MYBBP1A: variants seen among roughly 807,000 people sequenced by gnomAD.
MYBBP1A encodes MYB binding protein 1a.
In MYBBP1A, 147 loss-of-function variants were observed where a neutral mutation model predicts 136.3. That is an observed-to-expected ratio of 1.08 (90% CI 0.94 to 1.24). The LOEUF (loss-of-function observed/expected upper bound fraction) is 1.24, where lower values mean the gene tolerates loss of function less well. Ranked by LOEUF, MYBBP1A falls within the 50% of genes most tolerant of loss-of-function variation. The probability of loss-of-function intolerance (pLI) is 0.00; values close to 1 mark genes in which losing one functional copy is unlikely to be tolerated. For synonymous variants in MYBBP1A, 947 were observed against 735.8 expected, an observed-to-expected ratio of 1.29 and a Z score of -4.65; for missense variants, 2,060 against 1,727.4, an observed-to-expected ratio of 1.19 and a Z score of -3.41.
rs777912127 is a variant in MYBBP1A, at chr17:4,539,890, T to C, written c.3512A>G (p.Lys1171Arg). The C allele has an allele frequency of 3.0e-5, 48 of 1,601,674 alleles. No individual in the cohort carries two copies. Among genetic ancestry groups the C allele is most frequent in the Non-Finnish European group, 4.0e-5 (47 of 1,179,962 alleles). ...TQSPISKKRKKKGFLPETKKR... is the reference protein window; with the variant it reads ...TQSPISKKRKRKGFLPETKKR... ...CTTCGTCTCTGGCAAGAATCCCTTT[T>C]TCTTCCGCTTCTTACTGATGGGGCT... Residue 1171 changes from lysine to arginine, a missense_variant, in exon 26 of 26, where the codon AAA (lysine) becomes AGA (arginine). Physicochemically the swap from Lys to Arg is conservative, Grantham distance 26. Coordinates refer to ENST00000254718, the MANE Select transcript of MYBBP1A (RefSeq NM_014520.4).
chr17:4,541,474 A>G lies in MYBBP1A; in HGVS notation c.3286T>C (p.Cys1096Arg). 6.2e-7 allele frequency: 1 copy of G among 1,613,274 alleles called. No individual in the cohort carries two copies. The highest frequency in any genetic ancestry group is 8.5e-7 in the Non-Finnish European group (1 of 1,179,920). ...GGCCCCCGCCTCACCTCATGTTTGCAGGTCCTGAAGAGAACGTTGAGCAGC... is the reference window on the plus strand; with the variant it reads ...GGCCCCCGCCTCACCTCATGTTTGCGGGTCCTGAAGAGAACGTTGAGCAGC... ...LELLNVLFRT[C>R]KHEKLTLDLT... Residue 1096 changes from cysteine to arginine, a missense_variant, in exon 24 of 26, where the codon TGC becomes CGC. Physicochemically the swap from Cys to Arg is radical, Grantham distance 180 (BLOSUM62 -3). Transcript: ENST00000254718.
At chr17:4,547,333 G>A (rs535637684) in intron 13 of MYBBP1A, among the ~76,000 whole-genome samples, 158 of 152,306 alleles carry the variant, frequency 1.0e-3, no homozygotes, top group Non-Finnish European at 1.6e-3. Context: ...GGACTCTGCT[G>A]CTATCAAAGG....
At chr17:4,543,249 TA>T in intron 19 of MYBBP1A, 84 bp from the exon 20 acceptor site, 1 of 1,469,998 alleles carries the variant, frequency 6.8e-7, no homozygotes, top group African/African-American at 1.4e-5. Flanking sequence ...AGTCCCACTT[TA>T]TAAGTGGGGA....
chr17:4,542,651 C>T lies in MYBBP1A; in HGVS notation c.2983G>A (p.Val995Ile). The T allele has an allele frequency of 6.2e-7, 1 of 1,614,014 alleles. No homozygotes were observed. The highest frequency in any genetic ancestry group is 8.5e-7 in the Non-Finnish European group (1 of 1,179,928). The change falls in exon 21 of 26, where the codon GTT becomes ATT. Residue 995 changes from valine to isoleucine, a missense_variant. Coordinates refer to ENST00000254718, the MANE Select transcript of MYBBP1A (RefSeq NM_014520.4). ...GAGAAGAGGCTGAGGAACATGGGAA[C>T]TGTGAGGGGGCTGTTGCGCTTGGTC... ...FLTKRNSPLT[V>I]PMFLSLFSRH...
rs1256229512 is a variant in MYBBP1A at position 4,554,192 on chromosome 17, C to T, written c.378+3G>A. The T allele has an allele frequency of 3.7e-6, 6 of 1,614,044 alleles. No homozygotes were observed. The highest frequency in any genetic ancestry group is 5.1e-6 in the Non-Finnish European group (6 of 1,179,970). ...CTGCTGACCTCCCTGGCCCCACTCT[C>T]ACCTTCTTCACCTGATGCAGGTCAT... On this transcript the variant is annotated splice_donor_region_variant and intron_variant, in intron 3 of 25. Transcript: ENST00000254718.
chr17:4,544,559 G>A lies in MYBBP1A; in HGVS notation c.2569C>T (p.Arg857Trp), dbSNP rs369763912. ...ELLEPLLSII[R>W]RSLRSSSSKQ... ...GAGCTGCTGCTGCGCAGGCTGCGCC[G>A]GATGATGCTCAGCAGCGGCTCCAGC... The change falls in exon 19 of 26, where the codon CGG (arginine) becomes TGG (tryptophan). Residue 857 changes from arginine to tryptophan, a missense_variant. Arg to Trp is a moderately radical substitution (Grantham distance 101). Coordinates refer to ENST00000254718, the MANE Select transcript of MYBBP1A (RefSeq NM_014520.4). 76 of 1,566,862 alleles carry A rather than the reference G, an allele frequency of 4.9e-5. No individual in the cohort carries two copies. In the Middle Eastern group the frequency reaches 1.0e-3, roughly 21 times the overall value.
intron 19 of MYBBP1A, among the ~76,000 whole-genome samples, chr17:4,543,904 C>G (rs775156646): frequency 1.3e-5 from 2 of 152,044 alleles, no homozygotes; most frequent in Non-Finnish European, 1.5e-5. Context: ...CGCCACTGCT[C>G]TTGCTGATAA....
chr17:4,541,439 C>A (rs757869314), intron 24 of MYBBP1A, 24 bp downstream of exon 24: 6 of 1,605,080 alleles, frequency 3.7e-6, no homozygotes, highest in Non-Finnish European at 5.1e-6. Context: ...CCGAACACGA[C>A]CGCGGACTGG....
chr17:4,538,942 A>ATTTTTTAGAGCTGC lies in MYBBP1A; in HGVS notation c.*459_*472dup. The ATTTTTTAGAGCTGC allele has an allele frequency of 1.3e-6, 1 of 784,218 alleles. No homozygotes were observed. The highest frequency in any genetic ancestry group is 2.4e-6 in the Non-Finnish European group (1 of 421,048). 48.6% of individuals were successfully genotyped at this position (784,218 alleles called of 1,614,324 possible). ...CTTCCGGAAGCCAAACTGCTCCTTTATTTTTTAGAGCTGCTGATTGTGAAT... is the reference window on the plus strand; with the variant it reads ...CTTCCGGAAGCCAAACTGCTCCTTTATTTTTTAGAGCTGCTTTTTTAGAGCTGCTGATTGTGAAT... On this transcript the variant is annotated 3_prime_UTR_variant, in exon 26 of 26. Transcript: ENST00000254718.
chr17:4,549,942 C>T (rs767470045), intron 9 of MYBBP1A, 116 bp downstream of exon 9: 165 of 1,143,720 alleles, frequency 1.4e-4, no homozygotes, highest in Middle Eastern at 2.5e-4. Flanking sequence ...TCTTCCCCCT[C>T]GCTCCTCTCA....
chr17:4,539,675 T>C lies in MYBBP1A; in HGVS notation c.3727A>G (p.Ser1243Gly), dbSNP rs1906168530. The C allele has an allele frequency of 6.2e-7, 1 of 1,609,316 alleles. No homozygotes were observed. The highest frequency in any genetic ancestry group is 8.5e-7 in the Non-Finnish European group (1 of 1,176,996). The change falls in exon 26 of 26, where the codon AGC becomes GGC. Residue 1243 changes from serine to glycine, a missense_variant. Physicochemically the swap from Ser to Gly is moderately conservative, Grantham distance 56. Coordinates refer to ENST00000254718, the MANE Select transcript of MYBBP1A (RefSeq NM_014520.4). ...PAPGAPTRSP[S>G]TPAKSPKLQK... is the part of the protein sequence containing the mutation. ...AGTTTTGGGGATTTGGCAGGGGTGCTGGGGCTCCGGGTGGGGGCGCCAGGG... is the reference window on the plus strand; with the variant it reads ...AGTTTTGGGGATTTGGCAGGGGTGCCGGGGCTCCGGGTGGGGGCGCCAGGG...
rs746890479 is a variant in MYBBP1A at position 4,545,109 on chromosome 17, TCTC to T, written c.2224_2226del (p.Glu742del). Reference sequence around the variant, plus strand: ...TCCCCGTCGCGCTCCTCCTCCTCGCTCTCCTCCCCCTCGCTCTCCTCTTCACTC... The same window carrying T: ...TCCCCGTCGCGCTCCTCCTCCTCGCTCTCCCCCTCGCTCTCCTCTTCACTC... On this transcript the variant is annotated inframe_deletion, in exon 17 of 26. Coordinates refer to ENST00000254718, the MANE Select transcript of MYBBP1A (RefSeq NM_014520.4). The T allele has an allele frequency of 2.4e-4, 389 of 1,606,262 alleles. No homozygotes were observed. The highest frequency in any genetic ancestry group is 3.0e-4 in the Non-Finnish European group (357 of 1,176,936).
At position 4,552,966 on chromosome 17, in the gene MYBBP1A, T is replaced by C. The variant is rs983746740; in HGVS notation, c.562-340A>G. ...CTCCTGCCTCAGGTGGGATTAAAGG[T>C]GTGCGCCATCACACCCAGCTAATTT... On this transcript the variant is annotated intron_variant, in intron 5 of 25. Transcript: ENST00000254718. This position sits in a 1 kb window ranked among gnomAD's most constrained non-coding sequence, Gnocchi z 4.7. Among the ~76,000 whole-genome samples the C allele has an allele frequency of 6.6e-6, 1 of 151,900 alleles. No individual in the cohort carries two copies. The highest frequency in any genetic ancestry group is 1.5e-5 in the Non-Finnish European group (1 of 67,970).
intron 9 of MYBBP1A, 108 bp from the exon 10 acceptor site, chr17:4,549,550 G>A (rs1490459739): frequency 1.1e-6 from 1 of 927,676 alleles, no homozygotes; most frequent in African/African-American, 1.6e-5. Context: ...GCCAAGGCTG[G>A]CCAATCACTC....
At position 4,548,571 on chromosome 17, in the gene MYBBP1A, G is replaced by T; in HGVS notation, c.1509C>A (p.Phe503Leu). The change falls in exon 11 of 26, where the codon TTC becomes TTA. Residue 503 changes from phenylalanine to leucine, a missense_variant. Phe to Leu is a conservative substitution (Grantham distance 22). Transcript: ENST00000254718. The surrounding 1 kb of genome is among the most constrained non-coding windows in gnomAD (Gnocchi z 4.2). ...CCTCTCGGGCCTGGTTTTCCAAAGG[G>T]AAGGAGAACGGGTGCTTTGTCTCAG... ...QIPETKHPFS[F>L]PLENQAREAV... The T allele has an allele frequency of 6.2e-7, 1 of 1,614,238 alleles. No individual in the cohort carries two copies. The highest frequency in any genetic ancestry group is 8.5e-7 in the Non-Finnish European group (1 of 1,180,040).
intron 5 of MYBBP1A, among the ~76,000 whole-genome samples, chr17:4,553,082 A>G (rs1490314925): frequency 6.6e-6 from 1 of 152,146 alleles, no homozygotes; most frequent in Admixed American, 6.5e-5. Flanking sequence ...TCGGCCTCCC[A>G]AAGTTCTGGG....
rs114974895 is a variant in MYBBP1A at position 4,544,853 on chromosome 17, G to A, written c.2379C>T (p.Leu793=). The A allele has an allele frequency of 1.3e-3, 2,097 of 1,607,326 alleles. 25 individuals carry two copies. The African/African-American group carries it at 0.024, about 18-fold the overall frequency. The change falls in exon 18 of 26, where the codon CTC becomes CTT. Residue 793 remains leucine (L), a synonymous_variant. Transcript: ENST00000254718. ...GCTTCTGCTCGGCAAAGAGGCTGGC[G>A]AGGCTCTGGTCCAGGGCCATCATGG... ...DEAMMALDQS[L]ASLFAEQKLR...
chr17:4,540,057 T>C lies in MYBBP1A; in HGVS notation c.3435-90A>G. ...GCTACCTCCACCTGGATTCTGAGGG[T>C]CCTCTGAGGCCCCTAGGTTCTGTGA... On this transcript the variant is annotated intron_variant, in intron 25 of 25. Transcript: ENST00000254718. 23 of 1,428,554 alleles carry C rather than the reference T, an allele frequency of 1.6e-5. No individual in the cohort carries two copies. In the South Asian group the frequency reaches 2.3e-4, roughly 14 times the overall value. 88.5% of individuals were successfully genotyped at this position (1,428,554 alleles called of 1,614,324 possible).
Position 4,545,895 on chromosome 17 carries a change from G to A in MYBBP1A, c.1872C>T (p.Ile624=), listed in dbSNP as rs1254031550. 1.2e-6 allele frequency: 2 copies of A among 1,613,382 alleles called. No individual in the cohort carries two copies. The highest frequency in any genetic ancestry group is 4.5e-5 in the East Asian group (2 of 44,868). The change falls in exon 14 of 26, where the codon ATC becomes ATT. Residue 624 remains isoleucine (I), a synonymous_variant. Coordinates refer to ENST00000254718, the MANE Select transcript of MYBBP1A (RefSeq NM_014520.4). Reference sequence around the variant, plus strand: ...GGGGCTTCTCTCCCAGACTTTTCCTGATGCAGGTCTGGATGTCACCCAGCA... The same window carrying A: ...GGGGCTTCTCTCCCAGACTTTTCCTAATGCAGGTCTGGATGTCACCCAGCA... ...CDLLGDIQTC[I]RKSLGEKPRR... is the part of the protein sequence containing the mutation.
Sources: gnomAD v4.1 joint callset for allele counts (sites outside exome capture counted in the v4.1 genomes callset) on GRCh38, gnomAD v4.1.1 for gene constraint, Gnocchi (gnomAD v3.1) non-coding constraint, MANE v1.5 for transcripts, NCBI Gene and HGNC (gene_info 2026-07-23, HGNC 2026-07-21) for gene names.